Variants in TTK observed in about 807,000 individuals in gnomAD.
TTK encodes TTK protein kinase.
Under a neutral mutation model 117.3 loss-of-function variants are expected in TTK, and 59 were observed. That is an observed-to-expected ratio of 0.50 (90% CI 0.41 to 0.62). The LOEUF is 0.62. TTK is among the 20% of genes least tolerant of loss of function. TTK has a pLI of 0.00. For synonymous variants in TTK, 302 were observed against 325.0 expected (o/e 0.93, Z 0.76); for missense variants, 921 against 989.4 (o/e 0.93, Z 0.93).
Position 80,037,958 on chromosome 6 carries a change from GGCATATA to G in TTK, c.2050-7_2050-1del, listed in dbSNP as rs2127683838. ...CATTGATTTGTGTTTTCTCTGACTT[GGCATATA>G]GGTTGGCACAGTTAATTATATGCCA... On this transcript the variant is annotated splice_acceptor_variant and splice_polypyrimidine_tract_variant and intron_variant, in intron 17 of 21. Coordinates refer to ENST00000369798, the MANE Select transcript of TTK (RefSeq NM_003318.5). LOFTEE classifies it high-confidence loss of function. 6.5e-7 allele frequency: 1 copy of G among 1,545,798 alleles called. No homozygotes were observed. Among genetic ancestry groups the G allele is most frequent in the East Asian group, 2.4e-5 (1 of 42,448 alleles).
intron 14 of TTK, among the ~76,000 whole-genome samples, chr6:80,034,502 A>G (rs1020528184): frequency 1.3e-5 from 2 of 151,964 alleles, no homozygotes; most frequent in Admixed American, 1.3e-4. Context: ...TAACTTTTTT[A>G]TTTTTCCTTG....
Position 80,036,501 on chromosome 6 carries a change from G to A in TTK, c.1951G>A (p.Ala651Thr). 6.2e-7 allele frequency: 1 copy of A among 1,610,410 alleles called. No homozygotes were observed. The change falls in exon 17 of 22, where the codon GCT becomes ACT. Residue 651 changes from alanine to threonine, a missense_variant. By Grantham distance (58) the Ala-to-Thr change is moderately conservative. Coordinates refer to ENST00000369798, the MANE Select transcript of TTK (RefSeq NM_003318.5). ...HGIVHSDLKP[A>T]NFLIVDGMLK... The stretch of plus-strand genomic sequence containing the variant: ...CATTGTTCACAGTGATCTTAAACCA[G>A]CTAACTTTCTGATAGTTGATGGAAT...
In TTK at chr6:80,022,389, A is replaced by G; in HGVS notation, c.1174A>G (p.Lys392Glu). The change falls in exon 11 of 22, where the codon AAG becomes GAG. Residue 392 changes from lysine (K) to glutamate (E), a missense_variant. Lys to Glu is a moderately conservative substitution (Grantham distance 56, BLOSUM62 1). Transcript: ENST00000369798. ...SNQKQWQSKR[K>E]SECINQNPAA... ...CCAGAAACAGTGGCAATCTAAGAGA[A>G]AGTCAGAGTGTATTAACCAGAATCC... 1 of 1,614,046 alleles carries G rather than the reference A, an allele frequency of 6.2e-7. No homozygotes were observed. Among genetic ancestry groups the G allele is most frequent in the Non-Finnish European group, 8.5e-7 (1 of 1,179,982 alleles).
At chr6:80,020,870 C>G (rs1026937440) in intron 10 of TTK, among the ~76,000 whole-genome samples, 1 of 152,216 alleles carries the variant, frequency 6.6e-6, no homozygotes, top group Non-Finnish European at 1.5e-5. Context: ...TAACGCTAAA[C>G]AGAGACACAA....
At position 80,040,680 on chromosome 6, in the gene TTK, A is replaced by C. The variant is rs61735784; in HGVS notation, c.2467A>C (p.Asn823His). ...CCAACTTGTTGGTCTGAATTCTCCTAACTCCATTTTGAAAGCTGCTAAAGT... is the reference window on the plus strand; with the variant it reads ...CCAACTTGTTGGTCTGAATTCTCCTCACTCCATTTTGAAAGCTGCTAAAGT... Reference protein sequence around the residue: ...LGQLVGLNSPNSILKAAKTLY... With the variant: ...LGQLVGLNSPHSILKAAKTLY... The change falls in exon 21 of 22, where the codon AAC becomes CAC. Residue 823 changes from asparagine (N) to histidine (H), a missense_variant. Transcript: ENST00000369798. 7.1e-4 allele frequency: 1,140 copies of C among 1,611,748 alleles called. 5 individuals are homozygous for C. The African/African-American group carries it at 0.014, about 20-fold the overall frequency.
intron 14 of TTK, 144 bp from the exon 15 acceptor site, chr6:80,034,841 C>A: frequency 1.5e-6 from 1 of 645,234 alleles, no homozygotes; most frequent in Non-Finnish European, 2.3e-6. Flanking sequence ...TCCTTCTACA[C>A]TCAAAATAGG....
At chr6:80,016,792 A>G (rs542703949) in intron 10 of TTK, among the ~76,000 whole-genome samples, 2 of 152,342 alleles carry the variant, frequency 1.3e-5, no homozygotes, top group Admixed American at 1.3e-4. Context: ...GGTTCAGTTC[A>G]GAAGTATTTC....
intron 10 of TTK, among the ~76,000 whole-genome samples, chr6:80,021,070 C>T (rs937575679): frequency 3.4e-4 from 52 of 152,216 alleles, no homozygotes; most frequent in African/African-American, 8.7e-4. Context: ...CTAGAAAGTG[C>T]AGATGGCTAA....
rs145134547 is a variant in TTK at position 80,011,758 on chromosome 6, T to C, written c.758T>C (p.Ile253Thr). ...AACATGCCACCACAAGATGCAGAAA[T>C]AGGTTACCGGAATTCATTGAGACAA... ...GENMPPQDAE[I>T]GYRNSLRQTN... is the part of the protein sequence containing the mutation. The change falls in exon 7 of 22, where the codon ATA becomes ACA. Residue 253 changes from isoleucine (I) to threonine (T), a missense_variant. Transcript: ENST00000369798. The C allele has an allele frequency of 4.3e-5, 69 of 1,612,816 alleles. No homozygotes were observed. The African/African-American group carries it at 9.1e-4, about 21-fold the overall frequency.
intron 10 of TTK, among the ~76,000 whole-genome samples, chr6:80,014,831 T>G (rs976558191): frequency 6.6e-6 from 1 of 152,132 alleles, no homozygotes; most frequent in Admixed American, 6.6e-5. Flanking sequence ...TGAGTTTTTT[T>G]TCTCAGTTGG....
chr6:80,039,330 A>G (rs565158701), intron 18 of TTK, among the ~76,000 whole-genome samples: 2 of 152,046 alleles, frequency 1.3e-5, no homozygotes, highest in South Asian at 4.1e-4. Flanking sequence ...AACCTTTGAA[A>G]CTGTATACAT....
intron 1 of TTK, 110 bp from the exon 2 acceptor site, chr6:80,005,732 A>G (rs1320237929): frequency 2.1e-5 from 24 of 1,167,858 alleles, no homozygotes; most frequent in Non-Finnish European, 2.7e-5. Context: ...CTGCATTTAG[A>G]TGTGTTCACA....
intron 11 of TTK, 63 bp from the exon 12 acceptor site, chr6:80,026,314 TA>T: frequency 6.6e-7 from 1 of 1,522,218 alleles, no homozygotes; most frequent in South Asian, 1.3e-5. Context: ...ATAATATTTG[TA>T]AAAACTAGTG....
At position 80,042,282 on chromosome 6, in the gene TTK, C is replaced by T; in HGVS notation, c.*80C>T. On this transcript the variant is annotated 3_prime_UTR_variant, in exon 22 of 22. Transcript: ENST00000369798. ...ACTCTTGAATCCCTGTGGAAATCTA[C>T]ATTTGAAGACAACATCACTCTGAAG... 2 of 1,114,330 alleles carry T rather than the reference C, an allele frequency of 1.8e-6. No homozygotes were observed. The highest frequency in any genetic ancestry group is 2.5e-6 in the Non-Finnish European group (2 of 787,420). The allele number at this position is 1,114,330 out of a possible 1,614,324, so 69.0% of individuals were successfully genotyped here.
chr6:80,030,835 T>A (rs1446352423), intron 13 of TTK, among the ~76,000 whole-genome samples: 1 of 152,148 alleles, frequency 6.6e-6, no homozygotes, highest in African/African-American at 2.4e-5. Context: ...TTTGGAGCTC[T>A]TAGCACCTTA....
intron 2 of TTK, among the ~76,000 whole-genome samples, chr6:80,007,436 G>A (rs1767021983): frequency 1.3e-5 from 2 of 152,026 alleles, no homozygotes; most frequent in Admixed American, 6.6e-5. Flanking sequence ...AGTACAAGTG[G>A]CAGTGGGAGA....
intron 14 of TTK, among the ~76,000 whole-genome samples, chr6:80,034,622 C>T (rs186849251): frequency 6.6e-6 from 1 of 152,286 alleles, no homozygotes. Context: ...ACTACTGCAC[C>T]AGGCTTGTCC....
At chr6:80,005,689 C>G (rs529660756) in intron 1 of TTK, 153 bp from the exon 2 acceptor site, 556 of 729,950 alleles carry the variant, frequency 7.6e-4, no homozygotes, top group Non-Finnish European at 1.1e-3. Flanking sequence ...TGTTGTTGTG[C>G]ACTTACCTCC....
chr6:80,023,449 C>T (rs1038751835), intron 11 of TTK, among the ~76,000 whole-genome samples: 14 of 152,026 alleles, frequency 9.2e-5, no homozygotes, highest in Admixed American at 5.9e-4. Flanking sequence ...AAAAATTAGC[C>T]GGGTGTGGTG....
Sources: allele counts gnomAD v4.1 joint callset (sites outside exome capture counted in the v4.1 genomes callset), GRCh38; gene constraint gnomAD v4.1.1; transcripts MANE v1.5; gene names NCBI Gene and HGNC (gene_info 2026-07-23, HGNC 2026-07-21).